AMOTL1: variants seen among roughly 807,000 people sequenced by gnomAD.
AMOTL1 encodes the protein angiomotin-like protein 1.
A neutral mutation model predicts 102.9 loss-of-function variants in AMOTL1; 45 were observed. The observed-to-expected ratio is 0.44, with a 90% CI of 0.34 to 0.56. The LOEUF (loss-of-function observed/expected upper bound fraction) is 0.56, where lower values mean the gene tolerates loss of function less well. Among genes scored for constraint, AMOTL1 ranks in the 20% least tolerant of loss-of-function variants. The pLI is 0.01. For synonymous variants in AMOTL1, 481 were observed against 484.7 expected (o/e 0.99, Z 0.10); for missense variants, 1,114 against 1,225.6 (o/e 0.91, Z 1.36).
intron 3 of AMOTL1, among the ~76,000 whole-genome samples, chr11:94,758,589 A>G (rs1192492347): frequency 6.6e-6 from 1 of 152,248 alleles, no homozygotes. Flanking sequence ...TGTGGCCAGC[A>G]CTGTCATGAG....
At position 94,869,208 on chromosome 11, in the gene AMOTL1, G is replaced by T; in HGVS notation, c.2499G>T (p.Leu833=). ...KTWKGSIGLL[L]GKEHHEHASA... Reference sequence around the variant, plus strand: ...GTTCTCTGCCCTCAGGATTGCTGCTGGGGAAGGAGCACCATGAGCATGCCT... The same window carrying T: ...GTTCTCTGCCCTCAGGATTGCTGCTTGGGAAGGAGCACCATGAGCATGCCT... Residue 833 remains leucine, a synonymous_variant, in exon 12 of 13, where the codon CTG becomes CTT. Transcript: ENST00000433060. 1 of 1,593,118 alleles carries T rather than the reference G, an allele frequency of 6.3e-7. No individual in the cohort carries two copies. Among genetic ancestry groups the T allele is most frequent in the South Asian group, 1.1e-5 (1 of 89,994 alleles).
rs1362383570 is a variant in AMOTL1, at chr11:94,870,701, G to A, written c.2777G>A (p.Gly926Asp). ...CTCTATTTGGCAGAGAACTCTCCTG[G>A]CCATGGGAAGTCGCCTGACCACAGA... ...GTAEKLENSPGHGKSPDHRGR... is the reference protein window; with the variant it reads ...GTAEKLENSPDHGKSPDHRGR... The change falls in exon 13 of 13, where the codon GGC (glycine) becomes GAC (aspartate). Residue 926 changes from glycine (G) to aspartate (D), a missense_variant. Physicochemically the swap from Gly to Asp is moderately conservative, Grantham distance 94. Coordinates refer to ENST00000433060, the MANE Select transcript of AMOTL1 (RefSeq NM_130847.3). The A allele has an allele frequency of 6.3e-7, 1 of 1,599,394 alleles. No individual in the cohort carries two copies. The highest frequency in any genetic ancestry group is 8.5e-7 in the Non-Finnish European group (1 of 1,171,932).
In AMOTL1 at chr11:94,800,118, C is replaced by T. The variant is rs1181688091; in HGVS notation, c.928C>T (p.Pro310Ser). ...TAAAGTGCTGGACCCTCGGGGTCCT[C>T]CACCTGAGTACCCCTTCAAGACCAA... ...AGKVLDPRGP[P>S]PEYPFKTKQM... is the part of the protein sequence containing the mutation. Residue 310 changes from proline to serine, a missense_variant, in exon 3 of 13, where the codon CCA (proline) becomes TCA (serine). By Grantham distance (74) the Pro-to-Ser change is moderately conservative. Coordinates refer to ENST00000433060, the MANE Select transcript of AMOTL1 (RefSeq NM_130847.3). 1.9e-6 allele frequency: 3 copies of T among 1,613,860 alleles called. No homozygotes were observed. The highest frequency in any genetic ancestry group is 2.7e-5 in the African/African-American group (2 of 74,920).
chr11:94,774,327 G>A (rs1385931290), intron 1 of AMOTL1, among the ~76,000 whole-genome samples: 2 of 152,182 alleles, frequency 1.3e-5, no homozygotes, highest in South Asian at 2.1e-4. Flanking sequence ...TTCTATAAAA[G>A]TATGATTTCT....
chr11:94,791,488 G>T (rs2135552947), intron 1 of AMOTL1, among the ~76,000 whole-genome samples: 2 of 152,332 alleles, frequency 1.3e-5, no homozygotes, highest in South Asian at 4.1e-4. Context: ...TGGTTTGAAA[G>T]AGATATCTAA....
chr11:94,769,468 G>T (rs945555670), intron 1 of AMOTL1, among the ~76,000 whole-genome samples: 1 of 152,186 alleles, frequency 6.6e-6, no homozygotes, highest in African/African-American at 2.4e-5. Flanking sequence ...ACGTGTCCAA[G>T]TTTCCCCCCT....
Position 94,850,096 on chromosome 11 carries a change from T to C in AMOTL1, c.1649-18T>C. On this transcript the variant is annotated intron_variant, in intron 6 of 12. Transcript: ENST00000433060. ...GCAATTTCTGATAGAGGTAGTTTTGTTCGTGTTTCCCTTCTAGACAAAGAA... is the reference window on the plus strand; with the variant it reads ...GCAATTTCTGATAGAGGTAGTTTTGCTCGTGTTTCCCTTCTAGACAAAGAA... The C allele has an allele frequency of 6.4e-7, 1 of 1,572,962 alleles. No homozygotes were observed. The highest frequency in any genetic ancestry group is 8.6e-7 in the Non-Finnish European group (1 of 1,158,320).
intron 3 of AMOTL1, among the ~76,000 whole-genome samples, chr11:94,742,876 C>G (rs1449958389): frequency 1.3e-5 from 2 of 152,164 alleles, no homozygotes; most frequent in African/African-American, 4.8e-5. Context: ...CAGAAAAGGG[C>G]CAGGGAGCTC....
intron 3 of AMOTL1, 34 bp from the exon 4 acceptor site, chr11:94,821,496 C>A: frequency 6.3e-7 from 1 of 1,594,924 alleles, no homozygotes; most frequent in Non-Finnish European, 8.6e-7. Context: ...ACCATTTCCC[C>A]AGGCTCTAAC....
chr11:94,732,986 C>T (rs1950378245), intron 2 of AMOTL1, among the ~76,000 whole-genome samples: 1 of 152,254 alleles, frequency 6.6e-6, no homozygotes. Context: ...CTTTTCCTGA[C>T]AGCAGTCTGT....
rs528874690 is a variant in AMOTL1 at position 94,871,786 on chromosome 11, C to T, written c.*991C>T. 1.3e-5 allele frequency: 2 copies of T among 152,256 alleles called. No individual in the cohort carries two copies. Among genetic ancestry groups the T allele is most frequent in the Non-Finnish European group, 2.9e-5 (2 of 68,030 alleles). 9.4% of individuals were successfully genotyped at this position (152,256 alleles called of 1,614,324 possible). A position where few individuals can be genotyped will look rare whatever the true frequency, so the allele number is the denominator to read the frequency against. ...TCGTGGCACTTGCTTTTTTGTCTTT[C>T]ACATCGGCTGTCTTGCAAGGAGCTT... On this transcript the variant is annotated 3_prime_UTR_variant, in exon 13 of 13. Coordinates refer to ENST00000433060, the MANE Select transcript of AMOTL1 (RefSeq NM_130847.3).
intron 3 of AMOTL1, among the ~76,000 whole-genome samples, chr11:94,805,156 G>T (rs1234041975): frequency 6.6e-6 from 1 of 152,150 alleles, no homozygotes; most frequent in Non-Finnish European, 1.5e-5. Context: ...TTTCACTTGG[G>T]GTCACTAAAT....
At chr11:94,862,204 G>A (rs1017949006) in intron 9 of AMOTL1, among the ~76,000 whole-genome samples, 7 of 152,118 alleles carry the variant, frequency 4.6e-5, no homozygotes, top group Non-Finnish European at 1.0e-4. Context: ...CCCCTTCTGG[G>A]TGGGGGAATA....
At chr11:94,741,231 CGT>C (rs112559276) in intron 3 of AMOTL1, among the ~76,000 whole-genome samples, 5 of 149,312 alleles carry the variant, frequency 3.3e-5, no homozygotes, top group South Asian at 2.1e-4. Flanking sequence ...CGTGCGTGTG[CGT>C]GTGTGTGTGT....
In AMOTL1 at chr11:94,794,899, C is replaced by G. The variant is rs1031202474; in HGVS notation, c.50-112C>G. 12 of 1,223,552 alleles carry G rather than the reference C, an allele frequency of 9.8e-6. No individual in the cohort carries two copies. The Admixed American group carries it at 2.1e-4, about 21-fold the overall frequency. The allele number at this position is 1,223,552 out of a possible 1,614,324, so 75.8% of individuals were successfully genotyped here. A position where few individuals can be genotyped will look rare whatever the true frequency, so the allele number is the denominator to read the frequency against. On this transcript the variant is annotated intron_variant, in intron 1 of 12. Transcript: ENST00000433060. ...TTATGAATCAAAAAGAAAGAGCTCC[C>G]TCTGCCAAGTTGAAACACTGTGGGA...
intron 3 of AMOTL1, among the ~76,000 whole-genome samples, chr11:94,746,064 A>G (rs1012051845): frequency 7.9e-5 from 12 of 152,112 alleles, no homozygotes; most frequent in African/African-American, 2.9e-4. Flanking sequence ...CTGCAAATGA[A>G]TAACTATTGG....
chr11:94,818,088 AGT>A (rs1231197078), intron 3 of AMOTL1, among the ~76,000 whole-genome samples: 4 of 152,234 alleles, frequency 2.6e-5, no homozygotes, highest in Admixed American at 2.6e-4. Flanking sequence ...TATTTGCATA[AGT>A]TCAATAAGAA....
At chr11:94,759,930 C>G (rs1280107195) in intron 3 of AMOTL1, among the ~76,000 whole-genome samples, 1 of 152,180 alleles carries the variant, frequency 6.6e-6, no homozygotes. Flanking sequence ...AAAGTGTGGT[C>G]CATGGACAAG....
chr11:94,815,436 C>T (rs1951748561), intron 3 of AMOTL1, among the ~76,000 whole-genome samples: 1 of 151,922 alleles, frequency 6.6e-6, no homozygotes, highest in African/African-American at 2.4e-5. Context: ...TTAATGATAA[C>T]TATCACAGTT....
Sources: gnomAD v4.1 joint callset for allele counts (sites outside exome capture counted in the v4.1 genomes callset) on GRCh38, gnomAD v4.1.1 for gene constraint, MANE v1.5 for transcripts, NCBI Gene and HGNC (gene_info 2026-07-23, HGNC 2026-07-21) for gene names.